The following ACOT7 variants were observed in gnomAD, a reference collection of about 807,000 sequenced individuals.
ACOT7 encodes acyl-CoA thioesterase 7, also known as cytosolic acyl coenzyme A thioester hydrolase.
ACOT7 carries 12 observed loss-of-function variants against 40.2 expected under a neutral mutation model. That is an observed-to-expected ratio of 0.30 (90% CI 0.19 to 0.48). The LOEUF (loss-of-function observed/expected upper bound fraction) is 0.48. Among genes scored for constraint, ACOT7 ranks in the 20% least tolerant of loss-of-function variants. ACOT7 has a pLI of 0.99. For synonymous variants in ACOT7, 228 were observed against 219.5 expected (o/e 1.04, Z -0.34); for missense variants, 395 against 530.8 (o/e 0.74, Z 2.51).
intron 1 of ACOT7, among the ~76,000 whole-genome samples, chr1:6,383,727 C>T (rs1329262868): frequency 4.0e-5 from 6 of 151,364 alleles, no homozygotes; most frequent in Admixed American, 1.3e-4. Context: ...TCTTTTGAGA[C>T]GGAGTCTTGC....
chr1:6,323,735 AAAATATATATATATATATAT>A (rs1199082375), intron 5 of ACOT7, among the ~76,000 whole-genome samples: 6 of 54,000 alleles, frequency 1.1e-4, no homozygotes, highest in Admixed American at 4.5e-4. Flanking sequence ...AAAAAAAAAA[AAAATATATATATATATATAT>A]ATATATATAT....
rs989221036 is a variant in ACOT7 at position 6,353,089 on chromosome 1, G to A, written c.144-3223C>T. Among the ~76,000 whole-genome samples the A allele has an allele frequency of 5.9e-5, 9 of 152,140 alleles. No individual in the cohort carries two copies. The South Asian group carries it at 1.0e-3, about 18-fold the overall frequency. On this transcript the variant is annotated intron_variant, in intron 1 of 8. Transcript: ENST00000361521. ...AGACAGGGTTTTGCCATGTTGCCCAGGCTGTCTCAAATTCCTGACCTCAGG... is the reference window on the plus strand; with the variant it reads ...AGACAGGGTTTTGCCATGTTGCCCAAGCTGTCTCAAATTCCTGACCTCAGG...
At position 6,294,948 on chromosome 1, in the gene ACOT7, C is replaced by T. The variant is rs1456669455; in HGVS notation, c.745G>A (p.Gly249Arg). Residue 249 changes from glycine to arginine, a missense_variant, in exon 7 of 9, where the codon GGG (glycine) becomes AGG (arginine). Coordinates refer to ENST00000361521, the MANE Select transcript of ACOT7 (RefSeq NM_007274.4). The surrounding 1 kb of genome is among the most constrained non-coding windows in gnomAD (Gnocchi z 4.6). ...TTGCAGTGGCGTGCAGCCACGATCCCGGCGACCTCATCCATGAGCTTCATG... is the reference window on the plus strand; with the variant it reads ...TTGCAGTGGCGTGCAGCCACGATCCTGGCGACCTCATCCATGAGCTTCATG... ...VTMKLMDEVAGIVAARHCKTN... is the reference protein window; with the variant it reads ...VTMKLMDEVARIVAARHCKTN... The T allele has an allele frequency of 3.7e-6, 6 of 1,613,932 alleles. No individual in the cohort carries two copies. Among genetic ancestry groups the T allele is most frequent in the Non-Finnish European group, 5.1e-6 (6 of 1,179,988 alleles).
chr1:6,293,086 T>C (rs1005687533), intron 7 of ACOT7, among the ~76,000 whole-genome samples: 8 of 152,098 alleles, frequency 5.3e-5, no homozygotes, highest in Admixed American at 5.2e-4. Flanking sequence ...AGACAGGTTT[T>C]CACCATGTTA....
chr1:6,302,657 CAT>C (rs1640004954), intron 6 of ACOT7, among the ~76,000 whole-genome samples: 1 of 152,086 alleles, frequency 6.6e-6, no homozygotes, highest in Non-Finnish European at 1.5e-5. Context: ...AAAGTGATCT[CAT>C]AAAAACTGAG....
chr1:6,264,403 G>A lies in ACOT7; in HGVS notation c.*194C>T. ...GACAACACTGTGTAGCATTGATACT[G>A]GAATGATATAAATAAAGCTTTGGTG... On this transcript the variant is annotated 3_prime_UTR_variant, in exon 9 of 9. Coordinates refer to ENST00000361521, the MANE Select transcript of ACOT7 (RefSeq NM_007274.4). The A allele has an allele frequency of 1.7e-6, 1 of 603,322 alleles. No individual in the cohort carries two copies. Among genetic ancestry groups the A allele is most frequent in the Non-Finnish European group, 2.9e-6 (1 of 342,894 alleles). 37.4% of individuals were successfully genotyped at this position (603,322 alleles called of 1,614,324 possible).
intron 7 of ACOT7, among the ~76,000 whole-genome samples, chr1:6,290,190 T>C (rs1639625686): frequency 6.6e-6 from 1 of 152,216 alleles, no homozygotes; most frequent in Non-Finnish European, 1.5e-5. Flanking sequence ...ACATGGATTC[T>C]TCCCTCCAGC....
intron 6 of ACOT7, among the ~76,000 whole-genome samples, chr1:6,298,000 G>A (rs1639859724): frequency 6.6e-6 from 1 of 152,180 alleles, no homozygotes. Flanking sequence ...GAAGCTATAA[G>A]AAGATGCTGC....
intron 1 of ACOT7, among the ~76,000 whole-genome samples, chr1:6,374,474 C>T (rs577328767): frequency 6.6e-6 from 1 of 152,352 alleles, no homozygotes; most frequent in South Asian, 2.1e-4. Context: ...GGCTTGGGGC[C>T]TGTGGGGAGA....
intron 8 of ACOT7, 93 bp downstream of exon 8, chr1:6,281,009 C>T (rs560936766): frequency 6.7e-7 from 1 of 1,491,382 alleles, no homozygotes; most frequent in African/African-American, 1.4e-5. Flanking sequence ...GGACAGGACT[C>T]ATGCAGGCAC....
In ACOT7 at chr1:6,291,700, C is replaced by A. The variant is rs1034499966; in HGVS notation, c.829+3164G>T. 6.6e-5 allele frequency among the ~76,000 whole-genome samples: 10 copies of A among 152,282 alleles called. No homozygotes were observed. In the East Asian group the frequency reaches 1.9e-3, roughly 29 times the overall value. On this transcript the variant is annotated intron_variant, in intron 7 of 8. Transcript: ENST00000361521. ...GGGCAGCAGGGTCTGGCCCTCGAGA[C>A]CTCCTTCATGGTATGGTCGAAGTGA...
At position 6,276,727 on chromosome 1, in the gene ACOT7, G is replaced by GT. The variant is rs143917421; in HGVS notation, c.1014+4374dup. Among the ~76,000 whole-genome samples, 1,065 of 152,174 alleles carry GT rather than the reference G, an allele frequency of 7.0e-3. 9 individuals carry two copies. The highest frequency in any genetic ancestry group is 0.011 in the Non-Finnish European group (780 of 67,994). Reference sequence around the variant, plus strand: ...TCGTGCTCATGTGGGCAGTCCCCAAGTGAGAGCTGAAAATCCCTCTCCGGG... The same window carrying GT: ...TCGTGCTCATGTGGGCAGTCCCCAAGTTGAGAGCTGAAAATCCCTCTCCGGG... On this transcript the variant is annotated intron_variant, in intron 8 of 8. Transcript: ENST00000361521.
chr1:6,329,705 C>T (rs1640902678), intron 4 of ACOT7, among the ~76,000 whole-genome samples: 2 of 152,164 alleles, frequency 1.3e-5, no homozygotes, highest in Admixed American at 1.3e-4. Flanking sequence ...ACTCTCACCC[C>T]CGAGAGCTCA....
chr1:6,321,396 C>T lies in ACOT7; in HGVS notation c.626-2818G>A, dbSNP rs1343469036. 3.3e-5 allele frequency among the ~76,000 whole-genome samples: 5 copies of T among 152,232 alleles called. No homozygotes were observed. In the East Asian group the frequency reaches 9.6e-4, roughly 29 times the overall value. ...CCCAACGTTCTTTCCAAGTGTCACGCTCAAGCCTGGTGTATTTTTTTTACT... is the reference window on the plus strand; with the variant it reads ...CCCAACGTTCTTTCCAAGTGTCACGTTCAAGCCTGGTGTATTTTTTTTACT... On this transcript the variant is annotated intron_variant, in intron 5 of 8. Transcript: ENST00000361521.
chr1:6,276,964 G>T (rs1230754357), intron 8 of ACOT7, among the ~76,000 whole-genome samples: 2 of 151,992 alleles, frequency 1.3e-5, no homozygotes, highest in African/African-American at 2.4e-5. Context: ...TTCCCCCAGG[G>T]CTGGCCCTCC....
intron 6 of ACOT7, among the ~76,000 whole-genome samples, chr1:6,313,121 C>G (rs558537659): frequency 2.0e-5 from 3 of 152,202 alleles, no homozygotes; most frequent in African/African-American, 4.8e-5. Context: ...ACAGCATAAT[C>G]GCCTGCGGCT....
At chr1:6,327,235 G>A in intron 5 of ACOT7, 64 bp downstream of exon 5, 1 of 1,530,466 alleles carries the variant, frequency 6.5e-7, no homozygotes, top group Non-Finnish European at 9.0e-7. Flanking sequence ...GGCCCGGCCT[G>A]CTCCTGCCTC....
intron 1 of ACOT7, among the ~76,000 whole-genome samples, chr1:6,361,864 A>G (rs1358553532): frequency 6.6e-6 from 1 of 152,198 alleles, no homozygotes; most frequent in Non-Finnish European, 1.5e-5. Context: ...CCCTCCCTAC[A>G]TAAGCACTGG....
chr1:6,273,099 A>G (rs1355109637), intron 8 of ACOT7, among the ~76,000 whole-genome samples: 1 of 152,230 alleles, frequency 6.6e-6, no homozygotes, highest in Non-Finnish European at 1.5e-5. Context: ...AACCCCCCGC[A>G]GCCGGTTAGG....
Sources: allele counts gnomAD v4.1 joint callset (sites outside exome capture counted in the v4.1 genomes callset), GRCh38; gene constraint gnomAD v4.1.1; non-coding constraint Gnocchi (gnomAD v3.1); transcripts MANE v1.5; gene names NCBI Gene and HGNC (gene_info 2026-07-23, HGNC 2026-07-21).